The following PTPRM variants were observed in gnomAD, a reference collection of about 807,000 sequenced individuals.
PTPRM encodes protein tyrosine phosphatase receptor type M.
Under a neutral mutation model 186.7 loss-of-function variants are expected in PTPRM, and 47 were observed. That is an observed-to-expected ratio of 0.25 (90% CI 0.20 to 0.32). The LOEUF (loss-of-function observed/expected upper bound fraction) is 0.32. Ranked by LOEUF, PTPRM falls within the 10% of genes least tolerant of loss-of-function variation. The probability of loss-of-function intolerance (pLI) is 1.00; values close to 1 mark genes in which losing one functional copy is unlikely to be tolerated. For synonymous variants in PTPRM, 668 were observed against 674.9 expected (o/e 0.99, Z 0.16); for missense variants, 1,494 against 1,865.0 (o/e 0.80, Z 3.66).
chr18:8,208,691 T>C (rs187493523), intron 14 of PTPRM, among the ~76,000 whole-genome samples: 2 of 152,186 alleles, frequency 1.3e-5, no homozygotes, highest in African/African-American at 2.4e-5. Flanking sequence ...TAAAAAAATT[T>C]TGTAGAGACA....
In PTPRM at chr18:7,700,662, T is replaced by C. The variant is rs1344465260; in HGVS notation, c.74-73487T>C. Among the ~76,000 whole-genome samples the C allele has an allele frequency of 2.0e-5, 3 of 152,134 alleles. No homozygotes were observed. In the East Asian group the frequency reaches 5.8e-4, roughly 29 times the overall value. On this transcript the variant is annotated intron_variant, in intron 1 of 32. Coordinates refer to ENST00000580170, the MANE Select transcript of PTPRM (RefSeq NM_001105244.2). The stretch of plus-strand genomic sequence containing the variant: ...TTCTTAAGAATGCCTCCCAGGCGCC[T>C]GGAAGATGAAACTTTCTGGTGAATA...
intron 7 of PTPRM, among the ~76,000 whole-genome samples, chr18:8,029,886 C>CGGAT (rs1406424104): frequency 2.0e-5 from 3 of 152,148 alleles, no homozygotes; most frequent in Non-Finnish European, 4.4e-5. Context: ...TCTGACCATC[C>CGGAT]GTGTGGCTGA....
chr18:7,734,818 C>CA (rs2040733785), intron 1 of PTPRM, among the ~76,000 whole-genome samples: 1 of 152,112 alleles, frequency 6.6e-6, no homozygotes, highest in Non-Finnish European at 1.5e-5. Flanking sequence ...TTCATTAGGA[C>CA]AAAAAATTAC....
intron 14 of PTPRM, among the ~76,000 whole-genome samples, chr18:8,181,295 A>G (rs2093570797): frequency 6.6e-6 from 1 of 152,162 alleles, no homozygotes; most frequent in South Asian, 2.1e-4. Flanking sequence ...TATTTTGGGT[A>G]ATGTTGGTTA....
At chr18:8,355,613 C>T (rs2095559412) in intron 23 of PTPRM, among the ~76,000 whole-genome samples, 1 of 152,078 alleles carries the variant, frequency 6.6e-6, no homozygotes, top group Non-Finnish European at 1.5e-5. Context: ...AGTGGATCAT[C>T]CAAAGGCAGA....
chr18:8,152,712 C>CTTTTTTTTTTT (rs35112154), intron 14 of PTPRM, among the ~76,000 whole-genome samples: 6 of 56,930 alleles, frequency 1.1e-4, no homozygotes, highest in African/African-American at 2.3e-4. Flanking sequence ...TGCCTCACCT[C>CTTTTTTTTTTT]TTTTTTTTTT....
rs559038690 is a variant in PTPRM at position 7,660,329 on chromosome 18, A to G, written c.73+92438A>G. On this transcript the variant is annotated intron_variant, in intron 1 of 32. Coordinates refer to ENST00000580170, the MANE Select transcript of PTPRM (RefSeq NM_001105244.2). ...CCAGCCTGGGTGACAAAGAGAGACA[A>G]TTTCTCAAAAAAAAAAATAATAAAA... Among the ~76,000 whole-genome samples, 18 of 135,482 alleles carry G rather than the reference A, an allele frequency of 1.3e-4. No individual in the cohort carries two copies. In the South Asian group the frequency reaches 3.5e-3, roughly 26 times the overall value. 88.9% of individuals were successfully genotyped at this position (135,482 alleles called of 152,430 possible).
chr18:8,258,104 C>T (rs1234225830), intron 19 of PTPRM, among the ~76,000 whole-genome samples: 1 of 152,188 alleles, frequency 6.6e-6, no homozygotes, highest in African/African-American at 2.4e-5. Flanking sequence ...CTGAATTGAA[C>T]AGAAAATGGC....
chr18:7,723,203 G>T (rs2040481050), intron 1 of PTPRM, among the ~76,000 whole-genome samples: 1 of 78,382 alleles, frequency 1.3e-5, no homozygotes, highest in Non-Finnish European at 2.1e-5. Context: ...CCTCCTACAG[G>T]CTATTAACAG....
intron 3 of PTPRM, among the ~76,000 whole-genome samples, chr18:7,901,667 G>T (rs2049694945): frequency 6.6e-6 from 1 of 152,112 alleles, no homozygotes; most frequent in Admixed American, 6.5e-5. Context: ...CCTGGCCTGA[G>T]CTGCATGTTT....
chr18:7,940,228 C>G (rs117709823), intron 5 of PTPRM, among the ~76,000 whole-genome samples: 1,611 of 152,226 alleles, frequency 0.011, 15 homozygotes, highest in South Asian at 0.026. Context: ...ACCAGTCCTC[C>G]CTAGGATGTA....
At chr18:8,085,288 G>A (rs1482209028) in intron 9 of PTPRM, among the ~76,000 whole-genome samples, 2 of 152,016 alleles carry the variant, frequency 1.3e-5, no homozygotes, top group Non-Finnish European at 2.9e-5. Context: ...ATGGCCACTA[G>A]ATTAAAGATG....
intron 14 of PTPRM, among the ~76,000 whole-genome samples, chr18:8,170,594 C>T (rs2093385405): frequency 6.6e-6 from 1 of 151,792 alleles, no homozygotes; most frequent in Non-Finnish European, 1.5e-5. Context: ...AAAGATTTTC[C>T]TACCTTTCTG....
intron 6 of PTPRM, among the ~76,000 whole-genome samples, chr18:7,951,302 T>G (rs991148523): frequency 2.0e-5 from 3 of 152,160 alleles, no homozygotes; most frequent in African/African-American, 7.2e-5. Flanking sequence ...ATTACTACCA[T>G]TATTTAATTT....
chr18:8,190,804 A>G (rs1046872686), intron 14 of PTPRM, among the ~76,000 whole-genome samples: 13 of 152,222 alleles, frequency 8.5e-5, no homozygotes, highest in East Asian at 1.9e-4. Context: ...CAGAGAATAT[A>G]TGTGGGGAAA....
At chr18:8,035,423 T>A (rs2086257430) in intron 7 of PTPRM, among the ~76,000 whole-genome samples, 1 of 152,164 alleles carries the variant, frequency 6.6e-6, no homozygotes, top group Admixed American at 6.5e-5. Context: ...AATCTGCAGC[T>A]ACTCAAGTCC....
At chr18:7,666,992 T>C (rs949743813) in intron 1 of PTPRM, among the ~76,000 whole-genome samples, 4 of 152,156 alleles carry the variant, frequency 2.6e-5, no homozygotes, top group Non-Finnish European at 5.9e-5. Context: ...TTGTTTTGTA[T>C]TGAAGCAGAT....
chr18:7,868,383 T>A (rs1460233520), intron 2 of PTPRM, among the ~76,000 whole-genome samples: 4 of 152,238 alleles, frequency 2.6e-5, no homozygotes, highest in African/African-American at 9.6e-5. Flanking sequence ...GTTTTTGGTG[T>A]GGATGTCCTT....
chr18:8,211,893 C>T (rs1312904581), intron 14 of PTPRM, among the ~76,000 whole-genome samples: 1 of 152,086 alleles, frequency 6.6e-6, no homozygotes, highest in African/African-American at 2.4e-5. Context: ...TCGCTGGAGG[C>T]TGTGGCCATG....
Sources: allele counts gnomAD v4.1 joint callset (sites outside exome capture counted in the v4.1 genomes callset), GRCh38; gene constraint gnomAD v4.1.1; transcripts MANE v1.5; gene names NCBI Gene and HGNC (gene_info 2026-07-23, HGNC 2026-07-21).